The following CEMIP2 variants were observed in gnomAD, a reference collection of about 807,000 sequenced individuals.
CEMIP2 encodes the protein cell migration inducing hyaluronidase 2, also known as cell surface hyaluronidase CEMIP2.
Under a neutral mutation model 146.9 loss-of-function variants are expected in CEMIP2, and 79 were observed. The ratio of observed to expected loss-of-function variants is 0.54; its 90% CI spans 0.45 to 0.65. CEMIP2 has a LOEUF of 0.65. CEMIP2 is among the 30% of genes least tolerant of loss of function. CEMIP2 has a pLI of 0.00. For synonymous variants in CEMIP2, 601 were observed against 606.3 expected (o/e 0.99, Z 0.13); for missense variants, 1,596 against 1,696.2 (o/e 0.94, Z 1.04).
At chr9:71,716,368 T>C (rs1385148410) in intron 14 of CEMIP2, 149 bp downstream of exon 14, 1 of 557,322 alleles carries the variant, frequency 1.8e-6, no homozygotes, top group Non-Finnish European at 3.1e-6. Flanking sequence ...AAAAATGTAT[T>C]TTTGGCCCTC....
chr9:71,741,728 T>G (rs1388162873), intron 4 of CEMIP2, among the ~76,000 whole-genome samples: 2 of 130,730 alleles, frequency 1.5e-5, no homozygotes, highest in Non-Finnish European at 3.1e-5. Context: ...AACCTCCACC[T>G]CTGGGGTTCA....
At chr9:71,732,560 A>T (rs1823650349) in intron 6 of CEMIP2, 40 bp from the exon 7 acceptor site, 3 of 1,522,412 alleles carry the variant, frequency 2.0e-6, no homozygotes, top group Non-Finnish European at 2.6e-6. Context: ...ATATTAGAAC[A>T]AAGAAAACAT....
chr9:71,759,149 C>A (rs941575093), intron 1 of CEMIP2, among the ~76,000 whole-genome samples: 1 of 152,046 alleles, frequency 6.6e-6, no homozygotes, highest in Admixed American at 6.6e-5. Flanking sequence ...GACTGAGAAC[C>A]CCTAATTGTT....
At chr9:71,704,003 C>A (rs1042499493) in intron 18 of CEMIP2, among the ~76,000 whole-genome samples, 2 of 152,190 alleles carry the variant, frequency 1.3e-5, no homozygotes, top group Non-Finnish European at 2.9e-5. Flanking sequence ...TTCTCTCATT[C>A]ACCTTTATGT....
chr9:71,684,265 C>T lies in CEMIP2; in HGVS notation c.*932G>A, dbSNP rs923365290. The T allele has an allele frequency of 6.6e-6, 1 of 152,098 alleles. No homozygotes were observed. The highest frequency in any genetic ancestry group is 1.5e-5 in the Non-Finnish European group (1 of 68,026). The allele number at this position is 152,098 out of a possible 1,614,324, so 9.4% of individuals were successfully genotyped here. On this transcript the variant is annotated 3_prime_UTR_variant, in exon 24 of 24. Coordinates refer to ENST00000377044, the MANE Select transcript of CEMIP2 (RefSeq NM_013390.3). Reference sequence around the variant, plus strand: ...GGTGAACAGAAAAGCTTTAAAAAATCCACACAAAACAATAACAAAAAACCC... The same window carrying T: ...GGTGAACAGAAAAGCTTTAAAAAATTCACACAAAACAATAACAAAAAACCC...
chr9:71,697,206 G>T (rs1822427819), intron 20 of CEMIP2, among the ~76,000 whole-genome samples: 1 of 152,168 alleles, frequency 6.6e-6, no homozygotes, highest in Non-Finnish European at 1.5e-5. Flanking sequence ...CTGCTGGTCT[G>T]GGGGTCACAC....
In CEMIP2 at chr9:71,717,943, C is replaced by T; in HGVS notation, c.2399+5G>A. ...TCATATAATAACTTGGTAGAGAATA[C>T]CCACGCTGAATTTTGAACGATAATA... On this transcript the variant is annotated splice_donor_5th_base_variant and intron_variant, in intron 13 of 23. Transcript: ENST00000377044. The T allele has an allele frequency of 6.2e-7, 1 of 1,601,814 alleles. No homozygotes were observed. Among genetic ancestry groups the T allele is most frequent in the South Asian group, 1.1e-5 (1 of 87,940 alleles).
chr9:71,719,519 T>C (rs1823168433), intron 12 of CEMIP2, among the ~76,000 whole-genome samples: 1 of 152,184 alleles, frequency 6.6e-6, no homozygotes, highest in Admixed American at 6.5e-5. Context: ...AAGAGATCAC[T>C]GATTGCTATT....
intron 1 of CEMIP2, among the ~76,000 whole-genome samples, chr9:71,764,567 A>C (rs1212573261): frequency 2.0e-5 from 3 of 152,134 alleles, no homozygotes; most frequent in African/African-American, 7.2e-5. Flanking sequence ...GGTCCCTTCA[A>C]GCGACATGCT....
intron 21 of CEMIP2, among the ~76,000 whole-genome samples, chr9:71,691,064 G>A (rs1822211871): frequency 6.6e-6 from 1 of 152,190 alleles, no homozygotes; most frequent in Non-Finnish European, 1.5e-5. Flanking sequence ...CACTACACCT[G>A]TCCATGCCTG....
intron 16 of CEMIP2, among the ~76,000 whole-genome samples, chr9:71,710,253 T>C (rs895095039): frequency 6.6e-6 from 1 of 152,218 alleles, no homozygotes; most frequent in African/African-American, 2.4e-5. Flanking sequence ...TTTAGCTGCT[T>C]CTTATTAGCA....
chr9:71,701,032 G>A (rs773361711), intron 18 of CEMIP2, among the ~76,000 whole-genome samples: 4 of 152,094 alleles, frequency 2.6e-5, no homozygotes, highest in Non-Finnish European at 5.9e-5. Context: ...ACCTTCATCT[G>A]TTGCTCAAAT....
At chr9:71,690,745 A>G (rs564950946) in intron 21 of CEMIP2, among the ~76,000 whole-genome samples, 1 of 152,244 alleles carries the variant, frequency 6.6e-6, no homozygotes, top group African/African-American at 2.4e-5. Context: ...TACAAATAAT[A>G]GCTCTCCTCT....
At chr9:71,755,381 A>ACACAC (rs55856832) in intron 1 of CEMIP2, among the ~76,000 whole-genome samples, 4 of 149,236 alleles carry the variant, frequency 2.7e-5, no homozygotes, top group African/African-American at 4.9e-5. Context: ...ACACACACAC[A>ACACAC]AAATTAAATC....
At chr9:71,722,554 C>T (rs111725784) in intron 11 of CEMIP2, 39 bp from the exon 12 acceptor site, 150 of 1,466,434 alleles carry the variant, frequency 1.0e-4, no homozygotes, top group Non-Finnish European at 2.1e-5. Flanking sequence ...GAATATGAAT[C>T]CCAACTTACA....
chr9:71,715,217 T>G, intron 14 of CEMIP2, 128 bp from the exon 15 acceptor site: 1 of 781,374 alleles, frequency 1.3e-6, no homozygotes, highest in South Asian at 2.1e-5. Flanking sequence ...TAATACACAT[T>G]CACAAGTCTT....
intron 1 of CEMIP2, among the ~76,000 whole-genome samples, chr9:71,767,506 T>C (rs1406849305): frequency 6.6e-6 from 1 of 152,222 alleles, no homozygotes; most frequent in African/African-American, 2.4e-5. Flanking sequence ...AAGTCTGTTT[T>C]CCTAACCTGC....
chr9:71,735,953 G>A (rs1356344749), intron 5 of CEMIP2, among the ~76,000 whole-genome samples: 1 of 152,026 alleles, frequency 6.6e-6, no homozygotes, highest in African/African-American at 2.4e-5. Flanking sequence ...AAGTAGCTGG[G>A]CATGGTGGCA....
chr9:71,710,285 C>T (rs1157470824), intron 16 of CEMIP2, among the ~76,000 whole-genome samples: 1 of 152,168 alleles, frequency 6.6e-6, no homozygotes, highest in Non-Finnish European at 1.5e-5. Context: ...AATACCAACG[C>T]TATTGAAGTC....
Sources: allele counts gnomAD v4.1 joint callset (sites outside exome capture counted in the v4.1 genomes callset), GRCh38; gene constraint gnomAD v4.1.1; transcripts MANE v1.5; gene names NCBI Gene and HGNC (gene_info 2026-07-23, HGNC 2026-07-21).